The following ASH1L variants were observed in gnomAD, a reference collection of about 807,000 sequenced individuals.
The protein encoded by ASH1L is histone-lysine N-methyltransferase ASH1L.
ASH1L carries 23 observed loss-of-function variants against 269.0 expected under a neutral mutation model. That is an observed-to-expected ratio of 0.09 (90% CI 0.06 to 0.12). The LOEUF (loss-of-function observed/expected upper bound fraction) is 0.12, where lower values mean the gene tolerates loss of function less well. Ranked by LOEUF, ASH1L falls within the 10% of genes least tolerant of loss-of-function variation. The probability of loss-of-function intolerance (pLI) is 1.00; values close to 1 mark genes in which losing one functional copy is unlikely to be tolerated. For synonymous variants in ASH1L, 1,187 were observed against 1,253.5 expected, an observed-to-expected ratio of 0.95 and a Z score of 1.12; for missense variants, 2,912 against 3,567.8, an observed-to-expected ratio of 0.82 and a Z score of 4.68.
chr1:155,556,047 C>CTAT (rs1426296336), intron 1 of ASH1L, among the ~76,000 whole-genome samples: 26 of 152,250 alleles, frequency 1.7e-4, no homozygotes, highest in African/African-American at 5.8e-4. Flanking sequence ...GCTCATTATA[C>CTAT]TATTCTCTTT....
chr1:155,337,559 C>T lies in ASH1L; in HGVS notation c.*101G>A. 1 of 958,546 alleles carries T rather than the reference C, an allele frequency of 1.0e-6. No homozygotes were observed. The highest frequency in any genetic ancestry group is 1.7e-6 in the Non-Finnish European group (1 of 600,598). The allele number at this position is 958,546 out of a possible 1,614,324, so 59.4% of individuals were successfully genotyped here. A position where few individuals can be genotyped will look rare whatever the true frequency, so the allele number is the denominator to read the frequency against. On this transcript the variant is annotated 3_prime_UTR_variant, in exon 28 of 28. Coordinates refer to ENST00000392403, the MANE Select transcript of ASH1L (RefSeq NM_018489.3). ...ACAACATGGCCCCATTCCCCTTGCC[C>T]AGATGGACCCTTCCCACCCCTGTCT...
chr1:155,456,984 T>C (rs1663907108), intron 4 of ASH1L, among the ~76,000 whole-genome samples: 1 of 152,322 alleles, frequency 6.6e-6, no homozygotes, highest in Non-Finnish European at 1.5e-5. Flanking sequence ...AATGCAGAAA[T>C]TTTAATAGCC....
intron 7 of ASH1L, among the ~76,000 whole-genome samples, chr1:155,382,036 GTC>G (rs1657011223): frequency 6.7e-6 from 1 of 149,976 alleles, no homozygotes; most frequent in African/African-American, 2.5e-5. Flanking sequence ...GTGAAAGCCT[GTC>G]TCTGCTAAAA....
intron 4 of ASH1L, among the ~76,000 whole-genome samples, chr1:155,454,466 G>A (rs1017125100): frequency 6.6e-6 from 1 of 152,208 alleles, no homozygotes; most frequent in South Asian, 2.1e-4. Context: ...ATTCGGTTAT[G>A]TGTAGAATAA....
chr1:155,423,972 G>T (rs1306056413), intron 5 of ASH1L, among the ~76,000 whole-genome samples: 1 of 152,108 alleles, frequency 6.6e-6, no homozygotes, highest in Non-Finnish European at 1.5e-5. Context: ...TGATCCGCCT[G>T]CCTCGGCCTC....
chr1:155,556,859 G>A (rs368152439), intron 1 of ASH1L, among the ~76,000 whole-genome samples: 4 of 152,078 alleles, frequency 2.6e-5, no homozygotes, highest in African/African-American at 7.2e-5. Flanking sequence ...GGGGCAACAC[G>A]GTGAGACTCC....
chr1:155,372,275 A>G (rs1656024419), intron 10 of ASH1L, among the ~76,000 whole-genome samples: 1 of 148,860 alleles, frequency 6.7e-6, no homozygotes, highest in African/African-American at 2.5e-5. Context: ...TACTGGCATG[A>G]GCCACTGTGC....
intron 16 of ASH1L, among the ~76,000 whole-genome samples, chr1:155,354,268 C>A (rs955550242): frequency 6.6e-6 from 1 of 152,158 alleles, no homozygotes; most frequent in Non-Finnish European, 1.5e-5. Context: ...CATGGCAAAA[C>A]CCCCTCTCTA....
chr1:155,372,608 CT>C (rs879896644), intron 10 of ASH1L, among the ~76,000 whole-genome samples: 299 of 142,466 alleles, frequency 2.1e-3, no homozygotes, highest in Admixed American at 2.1e-3. Flanking sequence ...TGTGCCTGGC[CT>C]TTTTTTTTTT....
At chr1:155,382,323 C>G (rs1369074452) in intron 7 of ASH1L, among the ~76,000 whole-genome samples, 1 of 151,330 alleles carries the variant, frequency 6.6e-6, no homozygotes, top group Non-Finnish European at 1.5e-5. Flanking sequence ...ATGGTGAAAC[C>G]CTGTCTCTAC....
At chr1:155,554,246 G>A in intron 1 of ASH1L, among the ~76,000 whole-genome samples, 1 of 151,634 alleles carries the variant, frequency 6.6e-6, no homozygotes, top group Admixed American at 6.6e-5. Flanking sequence ...CACCACACTT[G>A]GCGAATTTTT....
At chr1:155,426,056 T>TTTTA (rs552891071) in intron 5 of ASH1L, among the ~76,000 whole-genome samples, 43 of 151,522 alleles carry the variant, frequency 2.8e-4, no homozygotes, top group South Asian at 2.7e-3. Context: ...GCCCGGCTAA[T>TTTTA]TTTATTTATT....
chr1:155,385,192 C>T (rs1657326031), intron 7 of ASH1L, among the ~76,000 whole-genome samples: 1 of 152,074 alleles, frequency 6.6e-6, no homozygotes, highest in East Asian at 1.9e-4. Context: ...GCCTGTAAAC[C>T]CAGCACTTTG....
chr1:155,549,927 G>A (rs1442065891), intron 1 of ASH1L, among the ~76,000 whole-genome samples: 1 of 151,964 alleles, frequency 6.6e-6, no homozygotes, highest in African/African-American at 2.4e-5. Context: ...CAAACCATCA[G>A]CAAGTTATTA....
rs1259145764 is a variant in ASH1L, at chr1:155,336,118, TC to T, written c.*1541del. The T allele has an allele frequency of 6.6e-6, 1 of 152,464 alleles. No individual in the cohort carries two copies. Among genetic ancestry groups the T allele is most frequent in the African/African-American group, 2.4e-5 (1 of 41,306 alleles). 9.4% of individuals were successfully genotyped at this position (152,464 alleles called of 1,614,324 possible). A position where few individuals can be genotyped will look rare whatever the true frequency, so the allele number is the denominator to read the frequency against. ...TCTCTGCTCAAGGGGATCATTGGCA[TC>T]CCCTCTCTCTTTTGTTTTTTCCTCA... On this transcript the variant is annotated 3_prime_UTR_variant, in exon 28 of 28. Transcript: ENST00000392403.
At chr1:155,487,400 C>T (rs1351740705) in intron 2 of ASH1L, among the ~76,000 whole-genome samples, 1 of 151,960 alleles carries the variant, frequency 6.6e-6, no homozygotes, top group African/African-American at 2.4e-5. Flanking sequence ...TTTTTTAAGA[C>T]AGGGTCTCAC....
At chr1:155,348,911 T>TATACACACACAC (rs1186891494) in intron 19 of ASH1L, among the ~76,000 whole-genome samples, 5 of 140,404 alleles carry the variant, frequency 3.6e-5, no homozygotes, top group South Asian at 2.2e-4. Flanking sequence ...TATATATATA[T>TATACACACACAC]ACACACACAC....
intron 1 of ASH1L, among the ~76,000 whole-genome samples, chr1:155,524,906 A>G (rs965639798): frequency 6.6e-5 from 10 of 152,174 alleles, no homozygotes; most frequent in African/African-American, 9.7e-5. Context: ...TATAAAAAGT[A>G]ATTAAAATAA....
At chr1:155,430,870 G>C (rs1307808480) in intron 5 of ASH1L, among the ~76,000 whole-genome samples, 1 of 152,128 alleles carries the variant, frequency 6.6e-6, no homozygotes, top group African/African-American at 2.4e-5. Flanking sequence ...CAATCCTCCA[G>C]CCTCAGCCTC....
Sources: gnomAD v4.1 joint callset for allele counts (sites outside exome capture counted in the v4.1 genomes callset) on GRCh38, gnomAD v4.1.1 for gene constraint, MANE v1.5 for transcripts, NCBI Gene and HGNC (gene_info 2026-07-23, HGNC 2026-07-21) for gene names.